The following ARHGAP32 variants were observed in gnomAD, a reference collection of about 807,000 sequenced individuals.
ARHGAP32 encodes rho GTPase-activating protein 32.
Under a neutral mutation model 186.5 loss-of-function variants are expected in ARHGAP32, and 51 were observed. That is an observed-to-expected ratio of 0.27 (90% CI 0.22 to 0.35). The LOEUF is 0.35. ARHGAP32 is among the 10% of genes least tolerant of loss of function. The pLI, the probability that ARHGAP32 is intolerant of heterozygous loss-of-function variation, is 1.00. For missense variants in ARHGAP32, 2,186 were observed against 2,623.5 expected (o/e 0.83, Z 3.64); for synonymous variants, 950 against 964.3 (o/e 0.99, Z 0.27).
chr11:129,234,512 T>G (rs1370505721), intron 1 of ARHGAP32, among the ~76,000 whole-genome samples: 1 of 152,178 alleles, frequency 6.6e-6, no homozygotes, highest in Non-Finnish European at 1.5e-5. Flanking sequence ...ATCTTGTACT[T>G]TTCTGTGTAT....
chr11:129,128,976 C>G (rs1016544051), intron 2 of ARHGAP32, among the ~76,000 whole-genome samples: 1 of 152,204 alleles, frequency 6.6e-6, no homozygotes, highest in African/African-American at 2.4e-5. Context: ...CCCAAAGTGC[C>G]AAGACTGCAG....
intron 1 of ARHGAP32, among the ~76,000 whole-genome samples, chr11:129,164,714 A>G (rs1943597934): frequency 6.6e-6 from 1 of 152,168 alleles, no homozygotes; most frequent in African/African-American, 2.4e-5. Flanking sequence ...GTTCAACACA[A>G]TTTGAACCTT....
At chr11:129,002,148 T>G (rs1321060562) in intron 11 of ARHGAP32, among the ~76,000 whole-genome samples, 3 of 152,192 alleles carry the variant, frequency 2.0e-5, no homozygotes, top group Non-Finnish European at 4.4e-5. Context: ...ATTGGTATTT[T>G]GATAGGAATT....
At chr11:129,231,836 G>A (rs1160626506) in intron 1 of ARHGAP32, among the ~76,000 whole-genome samples, 1 of 151,606 alleles carries the variant, frequency 6.6e-6, no homozygotes, top group African/African-American at 2.4e-5. Context: ...ACCAGCCTGG[G>A]CAACATTGAG....
At chr11:129,201,584 A>G (rs1407386244) in intron 1 of ARHGAP32, among the ~76,000 whole-genome samples, 2 of 152,222 alleles carry the variant, frequency 1.3e-5, no homozygotes, top group Admixed American at 6.5e-5. Flanking sequence ...ACTACTGTAT[A>G]TAATTGTTAA....
At chr11:129,157,068 T>A (rs507643) in intron 2 of ARHGAP32, among the ~76,000 whole-genome samples, 1 of 151,806 alleles carries the variant, frequency 6.6e-6, no homozygotes, top group African/African-American at 2.4e-5. Flanking sequence ...ATAAACCCCA[T>A]CCAAAGTTAC....
At chr11:129,128,618 C>T (rs2135395295) in intron 2 of ARHGAP32, among the ~76,000 whole-genome samples, 1 of 149,910 alleles carries the variant, frequency 6.7e-6, no homozygotes, top group African/African-American at 2.5e-5. Flanking sequence ...CCTCTGATGC[C>T]ACCAAAGTTG....
intron 2 of ARHGAP32, among the ~76,000 whole-genome samples, chr11:129,131,204 T>C (rs1402641568): frequency 6.6e-6 from 1 of 152,070 alleles, no homozygotes; most frequent in Non-Finnish European, 1.5e-5. Flanking sequence ...CTGTTTTATA[T>C]CTCGGTGTGG....
chr11:129,252,714 A>G (rs1945201495), intron 1 of ARHGAP32, among the ~76,000 whole-genome samples: 1 of 152,204 alleles, frequency 6.6e-6, no homozygotes, highest in East Asian at 1.9e-4. Flanking sequence ...GCCAGCATGC[A>G]AAGAGGTAAA....
At chr11:128,998,515 C>T (rs1946262074) in intron 11 of ARHGAP32, 47 bp from the exon 12 acceptor site, 1 of 1,422,946 alleles carries the variant, frequency 7.0e-7, no homozygotes, top group Non-Finnish European at 9.4e-7. Context: ...CAAGAGGTTA[C>T]ATTTTACTTA....
chr11:128,978,563 G>A (rs1945617673), intron 19 of ARHGAP32, among the ~76,000 whole-genome samples: 1 of 152,044 alleles, frequency 6.6e-6, no homozygotes, highest in African/African-American at 2.4e-5. Flanking sequence ...CTTAAGAAAA[G>A]AAATTGCATA....
Position 129,022,039 on chromosome 11 carries a change from AACTAGT to A in ARHGAP32, c.1045+18883_1045+18888del, listed in dbSNP as rs1287695213. The stretch of plus-strand genomic sequence containing the variant: ...TCTGGGCTCTTATTTTTCCAGGATG[AACTAGT>A]ACTACTTGATAAGAAGCTTAAAAGC... On this transcript the variant is annotated intron_variant, in intron 11 of 22. Coordinates refer to ENST00000682385, the MANE Select transcript of ARHGAP32 (RefSeq NM_001378024.1). Among the ~76,000 whole-genome samples the A allele has an allele frequency of 2.0e-5, 3 of 152,070 alleles. No individual in the cohort carries two copies. In the East Asian group the frequency reaches 5.8e-4, roughly 29 times the overall value.
intron 1 of ARHGAP32, among the ~76,000 whole-genome samples, chr11:129,263,575 A>G (rs548282627): frequency 1.8e-4 from 25 of 139,586 alleles, no homozygotes; most frequent in South Asian, 1.3e-3. Context: ...GGAGGAGGAG[A>G]AGGAGGAAGA....
chr11:129,182,553 T>C (rs1944078413), intron 1 of ARHGAP32, among the ~76,000 whole-genome samples: 1 of 152,034 alleles, frequency 6.6e-6, no homozygotes, highest in Non-Finnish European at 1.5e-5. Context: ...ACCCTTTCCT[T>C]CATGGCTTTT....
chr11:129,275,666 C>T (rs1455394199), intron 1 of ARHGAP32, among the ~76,000 whole-genome samples: 1 of 152,222 alleles, frequency 6.6e-6, no homozygotes, highest in East Asian at 1.9e-4. Flanking sequence ...AAGTACTCCA[C>T]TCTGCTGCTG....
At chr11:129,001,858 G>A (rs1189821204) in intron 11 of ARHGAP32, among the ~76,000 whole-genome samples, 1 of 152,142 alleles carries the variant, frequency 6.6e-6, no homozygotes, top group Non-Finnish European at 1.5e-5. Flanking sequence ...ACTATTTATT[G>A]AAGAGACTGT....
chr11:128,992,449 A>G (rs534807229), intron 12 of ARHGAP32, among the ~76,000 whole-genome samples: 126 of 151,884 alleles, frequency 8.3e-4, no homozygotes, highest in African/African-American at 3.0e-3. Flanking sequence ...CACCACCACC[A>G]ACAACAACAC....
intron 5 of ARHGAP32, among the ~76,000 whole-genome samples, chr11:129,109,176 T>C (rs1198016520): frequency 2.6e-5 from 4 of 152,148 alleles, no homozygotes; most frequent in Non-Finnish European, 5.9e-5. Flanking sequence ...GGCTAGATTA[T>C]TTCACTTCAC....
In ARHGAP32 at chr11:128,967,135, T is replaced by C. The variant is rs1243732291; in HGVS notation, c.*1772A>G. The C allele has an allele frequency of 6.6e-6, 1 of 152,240 alleles. No homozygotes were observed. The highest frequency in any genetic ancestry group is 6.5e-5 in the Admixed American group (1 of 15,284). 9.4% of individuals were successfully genotyped at this position (152,240 alleles called of 1,614,324 possible). ...AAACCTTATAGAATATTTCCACATATCAATGTGTTGTTCTTGAAACATTTT... is the reference window on the plus strand; with the variant it reads ...AAACCTTATAGAATATTTCCACATACCAATGTGTTGTTCTTGAAACATTTT... On this transcript the variant is annotated 3_prime_UTR_variant, in exon 23 of 23. Coordinates refer to ENST00000682385, the MANE Select transcript of ARHGAP32 (RefSeq NM_001378024.1).
Sources: gnomAD v4.1 joint callset for allele counts (sites outside exome capture counted in the v4.1 genomes callset) on GRCh38, gnomAD v4.1.1 for gene constraint, MANE v1.5 for transcripts, NCBI Gene and HGNC (gene_info 2026-07-23, HGNC 2026-07-21) for gene names.